The following WASL variants were observed in gnomAD, a reference collection of about 807,000 sequenced individuals.
WASL encodes actin nucleation-promoting factor WASL.
Under a neutral mutation model 55.5 loss-of-function variants are expected in WASL, and 20 were observed. The ratio of observed to expected loss-of-function variants is 0.36; its 90% CI spans 0.25 to 0.52. WASL has a LOEUF of 0.52. Among genes scored for constraint, WASL ranks in the 20% least tolerant of loss-of-function variants. The probability of loss-of-function intolerance (pLI) is 0.92; values close to 1 mark genes in which losing one functional copy is unlikely to be tolerated. For synonymous variants in WASL, 249 were observed against 217.6 expected, an observed-to-expected ratio of 1.14 and a Z score of -1.27; for missense variants, 504 against 622.5, an observed-to-expected ratio of 0.81 and a Z score of 2.03.
At chr7:123,700,472 A>T (rs1178424743) in intron 5 of WASL, among the ~76,000 whole-genome samples, 3 of 149,534 alleles carry the variant, frequency 2.0e-5, no homozygotes, top group Non-Finnish European at 4.4e-5. Flanking sequence ...ATGGAGTCTC[A>T]CTCTCTCGCC....
At chr7:123,740,756 C>T (rs553809074) in intron 1 of WASL, among the ~76,000 whole-genome samples, 2 of 152,180 alleles carry the variant, frequency 1.3e-5, no homozygotes, top group Non-Finnish European at 2.9e-5. Context: ...CCACCACTAC[C>T]AGCTACTTTT....
intron 1 of WASL, among the ~76,000 whole-genome samples, chr7:123,714,626 T>A (rs1032105798): frequency 1.3e-5 from 2 of 152,162 alleles, no homozygotes; most frequent in African/African-American, 2.4e-5. Context: ...CACCAAATGT[T>A]TATGAAGAAC....
At chr7:123,707,193 A>G (rs539494802) in intron 2 of WASL, among the ~76,000 whole-genome samples, 1 of 152,286 alleles carries the variant, frequency 6.6e-6, no homozygotes, top group African/African-American at 2.4e-5. Flanking sequence ...ACATGAACTG[A>G]TTACCAAAGC....
chr7:123,688,553 A>T (rs1803336007), intron 10 of WASL, among the ~76,000 whole-genome samples: 1 of 151,666 alleles, frequency 6.6e-6, no homozygotes, highest in Admixed American at 6.6e-5. Context: ...GTAGAGATGG[A>T]GTTTCTCCAT....
At chr7:123,718,670 C>T (rs1459654684) in intron 1 of WASL, among the ~76,000 whole-genome samples, 1 of 152,192 alleles carries the variant, frequency 6.6e-6, no homozygotes, top group Non-Finnish European at 1.5e-5. Context: ...GCTGGGATTA[C>T]AGGCATGAAC....
chr7:123,708,907 G>C (rs1016718368), intron 2 of WASL, among the ~76,000 whole-genome samples, 182 bp downstream of exon 2: 1 of 151,406 alleles, frequency 6.6e-6, no homozygotes, highest in Admixed American at 6.6e-5. Context: ...TCTGGCTTCA[G>C]ACATGTTCCC....
Position 123,694,845 on chromosome 7 carries a change from C to T in WASL, c.696G>A (p.Leu232=). The T allele has an allele frequency of 6.2e-7, 1 of 1,609,322 alleles. No individual in the cohort carries two copies. Among genetic ancestry groups the T allele is most frequent in the Non-Finnish European group, 8.5e-7 (1 of 1,178,468 alleles). The change falls in exon 8 of 11, where the codon TTG becomes TTA. Residue 232 remains leucine (L), a synonymous_variant. Coordinates refer to ENST00000223023, the MANE Select transcript of WASL (RefSeq NM_003941.4). ...GFDLNNLDPE[L]KNLFDMCGIS... ...TTCCACACATATCGAAAAGATTCTT[C>T]AATTCTGGATCCAAATTATTCAGCT... is the stretch of plus-strand genomic sequence containing the variant.
chr7:123,737,310 C>T (rs765978940), intron 1 of WASL, among the ~76,000 whole-genome samples: 1 of 152,064 alleles, frequency 6.6e-6, no homozygotes, highest in Non-Finnish European at 1.5e-5. Flanking sequence ...ATAAAAGCAG[C>T]ATTTCAGACA....
chr7:123,736,522 A>G (rs1048523004), intron 1 of WASL, among the ~76,000 whole-genome samples: 25 of 152,220 alleles, frequency 1.6e-4, no homozygotes, highest in African/African-American at 5.8e-4. Context: ...AATACAGCAT[A>G]ATAGTCGGTA....
At chr7:123,726,847 C>A (rs1318124966) in intron 1 of WASL, among the ~76,000 whole-genome samples, 1 of 151,532 alleles carries the variant, frequency 6.6e-6, no homozygotes, top group Non-Finnish European at 1.5e-5. Flanking sequence ...GCCTGGGCGA[C>A]AGAGTGAGAC....
intron 5 of WASL, among the ~76,000 whole-genome samples, chr7:123,704,134 GT>G (rs1803631901): frequency 6.6e-6 from 1 of 152,144 alleles, no homozygotes; most frequent in South Asian, 2.1e-4. Flanking sequence ...AGCTAAATTA[GT>G]TCTAAATACA....
In WASL at chr7:123,724,159, G is replaced by A. The variant is rs573230437; in HGVS notation, c.118-14936C>T. ...AGGACACAGATCAATATTTGAAAAC[G>A]TAACAGGTTCCTATTTGATAAAAAT... On this transcript the variant is annotated intron_variant, in intron 1 of 10. Transcript: ENST00000223023. Among the ~76,000 whole-genome samples the A allele has an allele frequency of 5.5e-4, 84 of 152,212 alleles. 1 individual carries two copies. The highest frequency in any genetic ancestry group is 2.6e-4 in the Non-Finnish European group (18 of 68,006).
intron 1 of WASL, among the ~76,000 whole-genome samples, chr7:123,720,908 T>C (rs909483604): frequency 1.3e-5 from 2 of 152,124 alleles, no homozygotes; most frequent in African/African-American, 2.4e-5. Flanking sequence ...AATCACATTA[T>C]GGTGCAAGTC....
chr7:123,701,241 T>C (rs563881857), intron 5 of WASL, among the ~76,000 whole-genome samples: 1 of 152,334 alleles, frequency 6.6e-6, no homozygotes, highest in African/African-American at 2.4e-5. Context: ...GGCGGGCTGT[T>C]TTCCTTCTTT....
At chr7:123,685,405 C>T (rs2109725) in intron 10 of WASL, among the ~76,000 whole-genome samples, 69,244 of 151,550 alleles carry the variant, frequency 0.46, 16,077 homozygotes, top group South Asian at 0.67. Context: ...CCCTTAAACT[C>T]ACCAATCTTA....
At chr7:123,726,736 C>T (rs984717022) in intron 1 of WASL, among the ~76,000 whole-genome samples, 21 of 151,994 alleles carry the variant, frequency 1.4e-4, no homozygotes, top group Admixed American at 1.2e-3. Context: ...TGTGTTGGCA[C>T]GCACCTGTAA....
At chr7:123,697,818 A>T (rs1562958520) in intron 5 of WASL, among the ~76,000 whole-genome samples, 1 of 152,204 alleles carries the variant, frequency 6.6e-6, no homozygotes, top group Non-Finnish European at 1.5e-5. Flanking sequence ...TTGTGTCTAA[A>T]CTGTTTGTGC....
At chr7:123,724,742 A>C (rs559322435) in intron 1 of WASL, among the ~76,000 whole-genome samples, 1 of 152,214 alleles carries the variant, frequency 6.6e-6, no homozygotes, top group African/African-American at 2.4e-5. Context: ...ACAAACTGCT[A>C]ATCTGTGGTA....
chr7:123,731,247 T>C (rs1179264455), intron 1 of WASL, among the ~76,000 whole-genome samples: 1 of 152,100 alleles, frequency 6.6e-6, no homozygotes, highest in African/African-American at 2.4e-5. Context: ...AAAGGGTCAA[T>C]TATACAAAAA....
Sources: gnomAD v4.1 joint callset for allele counts (sites outside exome capture counted in the v4.1 genomes callset) on GRCh38, gnomAD v4.1.1 for gene constraint, MANE v1.5 for transcripts, NCBI Gene and HGNC (gene_info 2026-07-23, HGNC 2026-07-21) for gene names.